CAMK1G: variants seen among roughly 807,000 people sequenced by gnomAD.
The protein encoded by CAMK1G is calcium/calmodulin-dependent protein kinase type 1G.
CAMK1G carries 27 observed loss-of-function variants against 54.8 expected under a neutral mutation model. That is an observed-to-expected ratio of 0.49 (90% CI 0.36 to 0.68). The LOEUF (loss-of-function observed/expected upper bound fraction) is 0.68, where lower values mean the gene tolerates loss of function less well. Among genes scored for constraint, CAMK1G ranks in the 30% least tolerant of loss-of-function variants. The pLI is 0.00. For missense variants in CAMK1G, 512 were observed against 591.0 expected, an observed-to-expected ratio of 0.87 and a Z score of 1.39; for synonymous variants, 238 against 224.9, an observed-to-expected ratio of 1.06 and a Z score of -0.52.
intron 1 of CAMK1G, among the ~76,000 whole-genome samples, chr1:209,587,178 A>G (rs1216461609): frequency 6.6e-6 from 1 of 151,952 alleles, no homozygotes; most frequent in African/African-American, 2.4e-5. Context: ...CAAGCAGATG[A>G]GCCACTTGGG....
rs371464163 is a variant in CAMK1G at position 209,594,933 on chromosome 1, T to G, written c.-29-22T>G. ...CTGACCAGACCTTTTTTCTCCTCCT[T>G]CTCCCACTCCCTGCAATAAAGCATC... On this transcript the variant is annotated intron_variant, in intron 1 of 12. Coordinates refer to ENST00000361322, the MANE Select transcript of CAMK1G (RefSeq NM_020439.3). 3 of 1,504,530 alleles carry G rather than the reference T, an allele frequency of 2.0e-6. No homozygotes were observed. The African/African-American group carries it at 4.2e-5, about 21-fold the overall frequency. The allele number at this position is 1,504,530 out of a possible 1,614,324, so 93.2% of individuals were successfully genotyped here.
chr1:209,594,278 C>G (rs912182428), intron 1 of CAMK1G, among the ~76,000 whole-genome samples: 1 of 152,224 alleles, frequency 6.6e-6, no homozygotes, highest in Non-Finnish European at 1.5e-5. Flanking sequence ...AGGCTGGCAG[C>G]CCCATGAAGG....
intron 1 of CAMK1G, among the ~76,000 whole-genome samples, chr1:209,594,400 A>G (rs543966092): frequency 6.6e-6 from 1 of 152,362 alleles, no homozygotes; most frequent in East Asian, 1.9e-4. Context: ...GAACTCTGAT[A>G]TAAATTTAGG....
chr1:209,596,826 C>T (rs1049825950), intron 2 of CAMK1G, among the ~76,000 whole-genome samples: 3 of 152,178 alleles, frequency 2.0e-5, no homozygotes, highest in Non-Finnish European at 4.4e-5. Context: ...CATTGTCACA[C>T]TCAAGAAAGT....
rs560674822 is a variant in CAMK1G, at chr1:209,592,954, A to G, written c.-29-2001A>G. Among the ~76,000 whole-genome samples the G allele has an allele frequency of 6.6e-5, 10 of 152,352 alleles. 1 individual carries two copies. In the South Asian group the frequency reaches 1.9e-3, roughly 28 times the overall value. ...CATCAACAAATGTCTCCAGAATATT[A>G]TCTCTGTTACAACTGTTTAAGATTG... On this transcript the variant is annotated intron_variant, in intron 1 of 12. Coordinates refer to ENST00000361322, the MANE Select transcript of CAMK1G (RefSeq NM_020439.3).
chr1:209,598,536 T>C lies in CAMK1G; in HGVS notation c.93-1447T>C, dbSNP rs577816162. Among the ~76,000 whole-genome samples, 5 of 152,306 alleles carry C rather than the reference T, an allele frequency of 3.3e-5. No individual in the cohort carries two copies. The South Asian group carries it at 1.0e-3, about 32-fold the overall frequency. ...CTCCACAGCTGCAGTGGAGTCTCTG[T>C]CTCTAGGGGTCATTCCCAAACTATA... On this transcript the variant is annotated intron_variant, in intron 2 of 12. Transcript: ENST00000361322.
At position 209,597,867 on chromosome 1, in the gene CAMK1G, C is replaced by T. The variant is rs114933940; in HGVS notation, c.93-2116C>T. On this transcript the variant is annotated intron_variant, in intron 2 of 12. Transcript: ENST00000361322. ...TCCTCTTGTACTACTGGGTGTTCTTCATAATGGTATTCAAATAATAGTGAT... is the reference window on the plus strand; with the variant it reads ...TCCTCTTGTACTACTGGGTGTTCTTTATAATGGTATTCAAATAATAGTGAT... 1.6e-3 allele frequency among the ~76,000 whole-genome samples: 241 copies of T among 152,268 alleles called. 1 individual carries two copies. The highest frequency in any genetic ancestry group is 5.3e-3 in the African/African-American group (219 of 41,566).
intron 4 of CAMK1G, among the ~76,000 whole-genome samples, chr1:209,604,311 C>T (rs1665595048): frequency 6.6e-6 from 1 of 152,082 alleles, no homozygotes; most frequent in East Asian, 1.9e-4. Context: ...TGAGGCCAAG[C>T]CAACAGGATT....
rs774446976 is a variant in CAMK1G at position 209,606,351 on chromosome 1, A to G, written c.467A>G (p.Glu156Gly). ...PENLLYLTPEENSKIMITDFG... is the reference protein window; with the variant it reads ...PENLLYLTPEGNSKIMITDFG... Reference sequence around the variant, plus strand: ...AACCTGCTTTACCTTACCCCTGAAGAGAACTCTAAGATCATGATCACTGAC... The same window carrying G: ...AACCTGCTTTACCTTACCCCTGAAGGGAACTCTAAGATCATGATCACTGAC... Residue 156 changes from glutamate (E) to glycine (G), a missense_variant, in exon 6 of 13, where the codon GAG (glutamate) becomes GGG (glycine). This residue lies in a region of CAMK1G where 186 missense variants were observed against 231.5 expected (regional missense o/e 0.80). Transcript: ENST00000361322. 2 of 1,614,016 alleles carry G rather than the reference A, an allele frequency of 1.2e-6. No homozygotes were observed. The highest frequency in any genetic ancestry group is 1.7e-6 in the Non-Finnish European group (2 of 1,180,000).
intron 4 of CAMK1G, among the ~76,000 whole-genome samples, chr1:209,604,889 A>G (rs913958195): frequency 6.6e-6 from 1 of 152,142 alleles, no homozygotes; most frequent in African/African-American, 2.4e-5. Context: ...TAGGAGGAAG[A>G]GTGTTCTCTG....
At chr1:209,605,728 G>C in intron 5 of CAMK1G, 54 bp downstream of exon 5, 2 of 1,556,670 alleles carry the variant, frequency 1.3e-6, no homozygotes, top group Admixed American at 1.7e-5. Flanking sequence ...TAAGGAAGCT[G>C]CATGGGTCAT....
intron 6 of CAMK1G, among the ~76,000 whole-genome samples, chr1:209,606,665 C>G (rs12079523): frequency 0.23 from 34,321 of 152,106 alleles, 4,193 homozygotes; most frequent in East Asian, 0.36. Context: ...ACCCCTGAGC[C>G]CTCCAGAGTC....
At chr1:209,594,073 G>T (rs1488713238) in intron 1 of CAMK1G, among the ~76,000 whole-genome samples, 1 of 152,090 alleles carries the variant, frequency 6.6e-6, no homozygotes, top group Non-Finnish European at 1.5e-5. Flanking sequence ...CATGCTCTTT[G>T]CTTGGTTGGC....
chr1:209,595,778 G>A (rs1665365320), intron 2 of CAMK1G, among the ~76,000 whole-genome samples: 1 of 152,192 alleles, frequency 6.6e-6, no homozygotes, highest in Non-Finnish European at 1.5e-5. Flanking sequence ...TGTTTCAGCT[G>A]TGCTCTAGTC....
chr1:209,597,155 G>A (rs1665410776), intron 2 of CAMK1G, among the ~76,000 whole-genome samples: 2 of 152,202 alleles, frequency 1.3e-5, no homozygotes. Context: ...GAGTGGACAA[G>A]TGTACAAATT....
chr1:209,602,660 A>G (rs1357138001), intron 3 of CAMK1G, among the ~76,000 whole-genome samples: 1 of 152,244 alleles, frequency 6.6e-6, no homozygotes, highest in Non-Finnish European at 1.5e-5. Context: ...TTTTTTAAAT[A>G]TTATGTAAAA....
chr1:209,595,669 A>G (rs965069438), intron 2 of CAMK1G, among the ~76,000 whole-genome samples: 4 of 152,182 alleles, frequency 2.6e-5, no homozygotes, highest in Non-Finnish European at 5.9e-5. Flanking sequence ...CTTCTGCTCT[A>G]ACTGGAACAG....
intron 6 of CAMK1G, among the ~76,000 whole-genome samples, chr1:209,607,464 G>A (rs1665676808): frequency 6.6e-6 from 1 of 152,170 alleles, no homozygotes; most frequent in Non-Finnish European, 1.5e-5. Context: ...AGGAGAGACA[G>A]TCCTACACTG....
chr1:209,588,952 C>G (rs1466534552), intron 1 of CAMK1G, among the ~76,000 whole-genome samples: 1 of 152,186 alleles, frequency 6.6e-6, no homozygotes, highest in African/African-American at 2.4e-5. Context: ...GAACTTTCCC[C>G]TCTGTAGCCT....
Sources: allele counts gnomAD v4.1 joint callset (sites outside exome capture counted in the v4.1 genomes callset), GRCh38; gene constraint gnomAD v4.1.1; regional missense constraint gnomAD v4.1.1; transcripts MANE v1.5; gene names NCBI Gene and HGNC (gene_info 2026-07-23, HGNC 2026-07-21).